ADGRG6: variants seen among roughly 807,000 people sequenced by gnomAD.
The protein encoded by ADGRG6 is adhesion G protein-coupled receptor G6.
In ADGRG6, 84 loss-of-function variants were observed where a neutral mutation model predicts 142.4. The ratio of observed to expected loss-of-function variants is 0.59; its 90% CI spans 0.49 to 0.71. ADGRG6 has a LOEUF of 0.71. Among genes scored for constraint, ADGRG6 ranks in the 30% least tolerant of loss-of-function variants. The probability of loss-of-function intolerance (pLI) is 0.00; values close to 1 mark genes in which losing one functional copy is unlikely to be tolerated. For synonymous variants in ADGRG6, 521 were observed against 520.5 expected, an observed-to-expected ratio of 1.00 and a Z score of -0.01; for missense variants, 1,367 against 1,466.6, an observed-to-expected ratio of 0.93 and a Z score of 1.11.
chr6:142,340,624 A>G (rs1246052968), intron 2 of ADGRG6, among the ~76,000 whole-genome samples: 2 of 152,138 alleles, frequency 1.3e-5, no homozygotes, highest in Non-Finnish European at 2.9e-5. Context: ...TTGAAGAGAT[A>G]AAGAGATTTC....
chr6:142,328,884 A>T (rs865998351), intron 2 of ADGRG6, among the ~76,000 whole-genome samples: 3 of 152,274 alleles, frequency 2.0e-5, no homozygotes, highest in Middle Eastern at 3.4e-3. Context: ...TTGTAGTTTA[A>T]TTTTTGTCCT....
intron 4 of ADGRG6, among the ~76,000 whole-genome samples, chr6:142,377,657 CAT>C (rs1176483550): frequency 1.3e-5 from 2 of 152,210 alleles, no homozygotes; most frequent in Admixed American, 6.5e-5. Context: ...GATGATAAAA[CAT>C]ATCATTATCC....
At chr6:142,307,680 G>C (rs556249060) in intron 1 of ADGRG6, among the ~76,000 whole-genome samples, 1 of 152,148 alleles carries the variant, frequency 6.6e-6, no homozygotes, top group East Asian at 1.9e-4. Flanking sequence ...GTTGCTGTTT[G>C]AGAGTCCACA....
intron 22 of ADGRG6, among the ~76,000 whole-genome samples, chr6:142,425,790 A>T (rs1486983955): frequency 1.3e-5 from 2 of 152,214 alleles, no homozygotes; most frequent in African/African-American, 4.8e-5. Context: ...TTACAGTTCC[A>T]CGTGACTGGG....
intron 4 of ADGRG6, among the ~76,000 whole-genome samples, chr6:142,380,969 C>T (rs938698980): frequency 3.3e-5 from 5 of 152,178 alleles, no homozygotes; most frequent in Admixed American, 6.5e-5. Flanking sequence ...TCATAGCCTG[C>T]CTGTAATATC....
intron 5 of ADGRG6, 124 bp from the exon 6 acceptor site, chr6:142,383,636 T>C (rs1781879914): frequency 3.2e-6 from 2 of 615,872 alleles, no homozygotes; most frequent in Middle Eastern, 2.7e-4. Flanking sequence ...TTGGAGTCTT[T>C]TGTATTTCAA....
intron 2 of ADGRG6, among the ~76,000 whole-genome samples, chr6:142,365,411 T>A (rs894120319): frequency 6.6e-6 from 1 of 152,210 alleles, no homozygotes; most frequent in Non-Finnish European, 1.5e-5. Flanking sequence ...AGATCTCCTA[T>A]GTGCCAGAGG....
intron 2 of ADGRG6, among the ~76,000 whole-genome samples, chr6:142,317,832 T>G (rs867429882): frequency 1.2e-5 from 1 of 85,416 alleles, no homozygotes; most frequent in Non-Finnish European, 2.1e-5. Context: ...ATTTATATTA[T>G]ATATATTTAT....
intron 21 of ADGRG6, among the ~76,000 whole-genome samples, chr6:142,417,630 A>G (rs1310395544): frequency 6.6e-6 from 1 of 152,186 alleles, no homozygotes; most frequent in East Asian, 1.9e-4. Flanking sequence ...CAGAAGACCC[A>G]TTCTATTTCA....
intron 9 of ADGRG6, among the ~76,000 whole-genome samples, chr6:142,394,725 A>G (rs542930217): frequency 5.7e-4 from 86 of 151,708 alleles, no homozygotes; most frequent in Middle Eastern, 3.4e-3. Context: ...GGGGCTACAC[A>G]CATGTGCTAG....
chr6:142,302,223 G>C lies in ADGRG6; in HGVS notation c.-107G>C. The C allele has an allele frequency of 2.2e-6, 3 of 1,348,174 alleles. No individual in the cohort carries two copies. The highest frequency in any genetic ancestry group is 3.1e-6 in the Non-Finnish European group (3 of 970,810). The allele number at this position is 1,348,174 out of a possible 1,614,324, so 83.5% of individuals were successfully genotyped here. On this transcript the variant is annotated 5_prime_UTR_variant, in exon 1 of 25. Transcript: ENST00000367609. ...TAAAGGAGGGTCCCGCCGCGGCGCA[G>C]GGCTGGGGCGCCTGGGTTCCCCCTG...
intron 8 of ADGRG6, among the ~76,000 whole-genome samples, 190 bp from the exon 9 acceptor site, chr6:142,393,706 T>G (rs1775026453): frequency 6.6e-6 from 1 of 152,170 alleles, no homozygotes; most frequent in Non-Finnish European, 1.5e-5. Context: ...ATATGAATTG[T>G]GAATCTTCAA....
rs1200795651 is a variant in ADGRG6 at position 142,349,796 on chromosome 6, A to C, written c.104-17773A>C. ...TTTAGAGAGGTTGAATAACTTGCCCAAGGTTACATAAAAATGGCAAGTCTG... is the reference window on the plus strand; with the variant it reads ...TTTAGAGAGGTTGAATAACTTGCCCCAGGTTACATAAAAATGGCAAGTCTG... On this transcript the variant is annotated intron_variant, in intron 2 of 24. Coordinates refer to ENST00000367609, the MANE Select transcript of ADGRG6 (RefSeq NM_198569.3). Among the ~76,000 whole-genome samples the C allele has an allele frequency of 2.0e-5, 3 of 152,202 alleles. No individual in the cohort carries two copies. The East Asian group carries it at 5.8e-4, about 29-fold the overall frequency.
chr6:142,442,228 C>T (rs1777787975), intron 24 of ADGRG6, among the ~76,000 whole-genome samples: 1 of 152,068 alleles, frequency 6.6e-6, no homozygotes, highest in South Asian at 2.1e-4. Context: ...TTGCCTCTTC[C>T]ACAATGTATG....
chr6:142,437,620 C>A, intron 23 of ADGRG6, 85 bp downstream of exon 23: 1 of 742,824 alleles, frequency 1.3e-6, no homozygotes, highest in Non-Finnish European at 2.5e-6. Flanking sequence ...GCAACCCAGT[C>A]CCAGTGGTAG....
At chr6:142,304,217 AATAG>A (rs1367283038) in intron 1 of ADGRG6, among the ~76,000 whole-genome samples, 7 of 152,200 alleles carry the variant, frequency 4.6e-5, no homozygotes, top group East Asian at 3.8e-4. Flanking sequence ...TTTAAATTTT[AATAG>A]ATTCAAGTTC....
chr6:142,420,311 A>G (rs982842853), intron 22 of ADGRG6, among the ~76,000 whole-genome samples: 1 of 152,176 alleles, frequency 6.6e-6, no homozygotes, highest in Non-Finnish European at 1.5e-5. Context: ...TATCAGTGGT[A>G]TATGCCAAGC....
intron 2 of ADGRG6, among the ~76,000 whole-genome samples, chr6:142,357,033 T>C (rs759272199): frequency 6.6e-6 from 1 of 152,342 alleles, no homozygotes; most frequent in Non-Finnish European, 1.5e-5. Context: ...TGTGTAAGTT[T>C]AGGTCTGGGG....
chr6:142,417,692 A>G (rs549792025), intron 21 of ADGRG6, among the ~76,000 whole-genome samples: 1 of 152,292 alleles, frequency 6.6e-6, no homozygotes, highest in African/African-American at 2.4e-5. Context: ...TCTTCAAGAG[A>G]GTTAAATAGC....
Sources: allele counts gnomAD v4.1 joint callset (sites outside exome capture counted in the v4.1 genomes callset), GRCh38; gene constraint gnomAD v4.1.1; transcripts MANE v1.5; gene names NCBI Gene and HGNC (gene_info 2026-07-23, HGNC 2026-07-21).